The following PIAS1 variants were observed in gnomAD, a reference collection of about 807,000 sequenced individuals.
PIAS1 encodes protein inhibitor of activated STAT 1, also known as E3 SUMO-protein ligase PIAS1.
In PIAS1, 6 loss-of-function variants were observed where a neutral mutation model predicts 71.3. The observed-to-expected ratio is 0.08, with a 90% CI of 0.05 to 0.17. The LOEUF (loss-of-function observed/expected upper bound fraction) is 0.17. Ranked by LOEUF, PIAS1 falls within the 10% of genes least tolerant of loss-of-function variation. The pLI, the probability that PIAS1 is intolerant of heterozygous loss-of-function variation, is 1.00. For missense variants in PIAS1, 555 were observed against 793.6 expected (o/e 0.70, Z 3.61); for synonymous variants, 303 against 292.9 (o/e 1.03, Z -0.35).
chr15:68,130,243 A>G (rs2141030707), intron 2 of PIAS1, among the ~76,000 whole-genome samples: 1 of 152,152 alleles, frequency 6.6e-6, no homozygotes, highest in South Asian at 2.1e-4. Flanking sequence ...AGGCTTATGA[A>G]AGAGGCAAAA....
At chr15:68,130,032 GAT>G (rs983259502) in intron 2 of PIAS1, among the ~76,000 whole-genome samples, 24 of 151,876 alleles carry the variant, frequency 1.6e-4, no homozygotes, top group African/African-American at 5.8e-4. Flanking sequence ...AAATAAAAAA[GAT>G]ATGTTCATTT....
intron 2 of PIAS1, among the ~76,000 whole-genome samples, chr15:68,110,695 C>T (rs1225150191): frequency 6.6e-6 from 1 of 151,712 alleles, no homozygotes; most frequent in African/African-American, 2.4e-5. Flanking sequence ...CTGGGGAGAT[C>T]AAGGCTGCAC....
chr15:68,085,106 G>T (rs895091881), intron 1 of PIAS1, among the ~76,000 whole-genome samples: 2 of 152,184 alleles, frequency 1.3e-5, no homozygotes, highest in Non-Finnish European at 2.9e-5. Context: ...GGTTATCATT[G>T]TGAGTGGTGG....
intron 1 of PIAS1, among the ~76,000 whole-genome samples, chr15:68,066,508 C>T (rs184688043): frequency 5.3e-5 from 8 of 152,294 alleles, no homozygotes; most frequent in East Asian, 1.9e-4. Flanking sequence ...CAGAGCTTAG[C>T]TCTTACCAAA....
intron 2 of PIAS1, among the ~76,000 whole-genome samples, chr15:68,097,253 C>G (rs2092383423): frequency 6.6e-6 from 1 of 152,098 alleles, no homozygotes; most frequent in Non-Finnish European, 1.5e-5. Context: ...CCCACTTGAT[C>G]ATTATGTAAA....
intron 1 of PIAS1, among the ~76,000 whole-genome samples, chr15:68,076,009 C>T (rs553341262): frequency 6.6e-6 from 1 of 152,260 alleles, no homozygotes; most frequent in South Asian, 2.1e-4. Flanking sequence ...TCTTGAACTC[C>T]TGACCTCAGG....
intron 11 of PIAS1, among the ~76,000 whole-genome samples, chr15:68,180,706 C>T (rs1206972722): frequency 6.6e-6 from 1 of 152,130 alleles, no homozygotes; most frequent in African/African-American, 2.4e-5. Flanking sequence ...TTTTTGCCCT[C>T]CTAAAGATTA....
At chr15:68,122,332 G>A (rs1372105973) in intron 2 of PIAS1, among the ~76,000 whole-genome samples, 4 of 152,122 alleles carry the variant, frequency 2.6e-5, no homozygotes, top group African/African-American at 4.8e-5. Context: ...GTAACATAGC[G>A]TTGAATACTG....
intron 2 of PIAS1, among the ~76,000 whole-genome samples, chr15:68,121,107 T>G (rs1383598008): frequency 1.3e-5 from 2 of 152,244 alleles, no homozygotes; most frequent in African/African-American, 4.8e-5. Context: ...TGGTGTTGTT[T>G]TCCTATTCCT....
intron 11 of PIAS1, among the ~76,000 whole-genome samples, chr15:68,180,810 TG>T (rs1178597175): frequency 1.3e-5 from 2 of 152,236 alleles, no homozygotes; most frequent in Non-Finnish European, 2.9e-5. Flanking sequence ...GGCATACGTA[TG>T]CTTCTTAATA....
intron 2 of PIAS1, among the ~76,000 whole-genome samples, chr15:68,120,080 C>A (rs1410156266): frequency 4.6e-5 from 7 of 152,212 alleles, no homozygotes; most frequent in Non-Finnish European, 1.0e-4. Flanking sequence ...GTAGGTGGGA[C>A]TACAGGCCCA....
intron 2 of PIAS1, among the ~76,000 whole-genome samples, chr15:68,136,872 A>G (rs1437753501): frequency 1.3e-5 from 2 of 152,218 alleles, no homozygotes; most frequent in African/African-American, 4.8e-5. Flanking sequence ...ATTCTTGTAT[A>G]TGAAACCCTT....
intron 3 of PIAS1, 122 bp from the exon 4 acceptor site, chr15:68,142,168 T>TA (rs1317191815): frequency 1.6e-5 from 15 of 957,910 alleles, no homozygotes; most frequent in Non-Finnish European, 1.8e-5. Context: ...GTGTGTTAGT[T>TA]ACTGTAAGAA....
chr15:68,180,388 T>C (rs1395712525), intron 11 of PIAS1, among the ~76,000 whole-genome samples: 1 of 152,178 alleles, frequency 6.6e-6, no homozygotes, highest in Non-Finnish European at 1.5e-5. Flanking sequence ...TGAGCCACCA[T>C]GCCTGGCCCC....
intron 6 of PIAS1, 49 bp downstream of exon 6, chr15:68,146,749 T>TA: frequency 7.5e-7 from 1 of 1,336,130 alleles, no homozygotes; most frequent in Non-Finnish European, 1.1e-6. Context: ...AAGGAGGGGT[T>TA]AATCACCATG....
At chr15:68,142,236 A>G (rs935525934) in intron 3 of PIAS1, 54 bp from the exon 4 acceptor site, 4 of 1,443,120 alleles carry the variant, frequency 2.8e-6, no homozygotes, top group Admixed American at 3.6e-5. Flanking sequence ...CTTTGAATGA[A>G]CTTTCATGCA....
chr15:68,127,000 T>G (rs1567053869), intron 2 of PIAS1, among the ~76,000 whole-genome samples: 1 of 152,070 alleles, frequency 6.6e-6, no homozygotes, highest in Non-Finnish European at 1.5e-5. Flanking sequence ...AGTGGCATGA[T>G]TTCAGCTCAC....
intron 2 of PIAS1, among the ~76,000 whole-genome samples, chr15:68,113,977 A>T (rs921904625): frequency 1.3e-5 from 2 of 151,886 alleles, no homozygotes; most frequent in Non-Finnish European, 2.9e-5. Flanking sequence ...ATCTAGCAAT[A>T]GGATCTCTCT....
intron 7 of PIAS1, among the ~76,000 whole-genome samples, chr15:68,155,458 A>AAC (rs1409850596): frequency 1.3e-5 from 2 of 151,080 alleles, no homozygotes; most frequent in Admixed American, 6.6e-5. Flanking sequence ...GTAAAAAAAA[A>AAC]AAAAAAAAAA....
Sources: allele counts gnomAD v4.1 joint callset (sites outside exome capture counted in the v4.1 genomes callset), GRCh38; gene constraint gnomAD v4.1.1; transcripts MANE v1.5; gene names NCBI Gene and HGNC (gene_info 2026-07-23, HGNC 2026-07-21).